Variants in JAZF1 observed in about 807,000 individuals in gnomAD.
JAZF1 encodes juxtaposed with another zinc finger protein 1.
Under a neutral mutation model 26.4 loss-of-function variants are expected in JAZF1, and 8 were observed. That is an observed-to-expected ratio of 0.30 (90% CI 0.18 to 0.55). The LOEUF (loss-of-function observed/expected upper bound fraction) is 0.55. Ranked by LOEUF, JAZF1 falls within the 20% of genes least tolerant of loss-of-function variation. JAZF1 has a pLI of 0.94. For missense variants in JAZF1, 199 were observed against 322.0 expected, an observed-to-expected ratio of 0.62 and a Z score of 2.92; for synonymous variants, 126 against 122.3, an observed-to-expected ratio of 1.03 and a Z score of -0.20.
intron 3 of JAZF1, among the ~76,000 whole-genome samples, chr7:27,884,061 G>A (rs777626377): frequency 2.0e-5 from 3 of 152,196 alleles, no homozygotes; most frequent in African/African-American, 7.2e-5. Context: ...TGGAAGTTGT[G>A]GACTCCTGTT....
At chr7:28,076,094 T>A (rs1326368722) in intron 1 of JAZF1, among the ~76,000 whole-genome samples, 1 of 152,152 alleles carries the variant, frequency 6.6e-6, no homozygotes, top group Admixed American at 6.5e-5. Flanking sequence ...TTGGATGGGG[T>A]CCCTCTGCAG....
intron 1 of JAZF1, among the ~76,000 whole-genome samples, chr7:28,062,788 C>G (rs531822779): frequency 6.6e-6 from 1 of 152,306 alleles, no homozygotes; most frequent in Non-Finnish European, 1.5e-5. Context: ...ACTCTCCTAT[C>G]TTAGTTTAGT....
At chr7:28,129,806 T>G (rs997381836) in intron 1 of JAZF1, among the ~76,000 whole-genome samples, 1 of 152,170 alleles carries the variant, frequency 6.6e-6, no homozygotes, top group Non-Finnish European at 1.5e-5. Flanking sequence ...CAGAGATAAG[T>G]TGGTACATTA....
intron 1 of JAZF1, among the ~76,000 whole-genome samples, chr7:28,009,963 AT>A (rs756158876): frequency 1.2e-4 from 18 of 152,194 alleles, no homozygotes; most frequent in Non-Finnish European, 1.9e-4. Flanking sequence ...ATGATAAGAG[AT>A]TTAGGTAAAA....
chr7:28,153,522 C>A (rs528666598), intron 1 of JAZF1, among the ~76,000 whole-genome samples: 1 of 152,138 alleles, frequency 6.6e-6, no homozygotes, highest in Non-Finnish European at 1.5e-5. Flanking sequence ...TTCTAGATGA[C>A]GATACCAGGA....
At chr7:28,154,097 C>T (rs982325472) in intron 1 of JAZF1, among the ~76,000 whole-genome samples, 1 of 152,134 alleles carries the variant, frequency 6.6e-6, no homozygotes, top group Non-Finnish European at 1.5e-5. Context: ...AAAGCCTCCC[C>T]GAAGTTTTGG....
chr7:28,123,076 C>T (rs188367616), intron 1 of JAZF1, among the ~76,000 whole-genome samples: 8 of 152,280 alleles, frequency 5.3e-5, no homozygotes, highest in African/African-American at 1.9e-4. Context: ...AGGAGACTTT[C>T]CAGCTACGTC....
intron 1 of JAZF1, among the ~76,000 whole-genome samples, chr7:27,994,347 T>TTATG (rs1211541834): frequency 6.6e-6 from 1 of 152,028 alleles, no homozygotes; most frequent in Non-Finnish European, 1.5e-5. Context: ...TTCATCATCT[T>TTATG]TCATAACCTA....
chr7:27,867,593 C>T (rs1299230913), intron 3 of JAZF1, among the ~76,000 whole-genome samples: 2 of 152,248 alleles, frequency 1.3e-5, no homozygotes, highest in East Asian at 1.9e-4. Flanking sequence ...AGGCAGGCCT[C>T]ATAACCATCA....
intron 1 of JAZF1, among the ~76,000 whole-genome samples, chr7:28,051,149 A>C (rs71532943): frequency 1.1e-4 from 12 of 110,952 alleles, no homozygotes; most frequent in South Asian, 3.0e-4. Flanking sequence ...AAAAAAAAAA[A>C]AAAAAAACAA....
At position 28,163,366 on chromosome 7, in the gene JAZF1, C is replaced by T. The variant is rs144254891; in HGVS notation, c.115+17097G>A. 2.0e-4 allele frequency among the ~76,000 whole-genome samples: 31 copies of T among 152,266 alleles called. No individual in the cohort carries two copies. In the East Asian group the frequency reaches 2.5e-3, roughly 12 times the overall value. Reference sequence around the variant, plus strand: ...AACTGGCTGGGCTGTCCTTTTCCATCCTCCATGACATCGACTTGGAACTGG... The same window carrying T: ...AACTGGCTGGGCTGTCCTTTTCCATTCTCCATGACATCGACTTGGAACTGG... On this transcript the variant is annotated intron_variant, in intron 1 of 4. Transcript: ENST00000283928.
chr7:28,079,867 T>C (rs575993658), intron 1 of JAZF1, among the ~76,000 whole-genome samples: 102 of 152,294 alleles, frequency 6.7e-4, no homozygotes, highest in African/African-American at 2.4e-3. Context: ...GTAATCTAGA[T>C]GCATAACTCA....
intron 2 of JAZF1, among the ~76,000 whole-genome samples, chr7:27,987,126 A>T: frequency 6.8e-6 from 1 of 147,010 alleles, no homozygotes; most frequent in African/African-American, 2.6e-5. Context: ...ATCGTCTGGG[A>T]TGTGAGGAGC....
intron 1 of JAZF1, among the ~76,000 whole-genome samples, chr7:28,046,270 C>T (rs570675673): frequency 6.6e-6 from 1 of 152,336 alleles, no homozygotes; most frequent in South Asian, 2.1e-4. Flanking sequence ...AGTTAAGCAA[C>T]TTGCTCAAGG....
rs142040821 is a variant in JAZF1 at position 27,910,826 on chromosome 7, C to T, written c.189-15410G>A. ...TTTGGTGACCAGGGAGCCTCTTTCA[C>T]CAAGTTCGTGTATGCAAACCAAGCG... is the stretch of plus-strand genomic sequence containing the variant. On this transcript the variant is annotated intron_variant, in intron 2 of 4. Coordinates refer to ENST00000283928, the MANE Select transcript of JAZF1 (RefSeq NM_175061.4). Among the ~76,000 whole-genome samples, 869 of 152,322 alleles carry T rather than the reference C, an allele frequency of 5.7e-3. 5 individuals carry two copies. Among genetic ancestry groups the T allele is most frequent in the Non-Finnish European group, 0.011 (734 of 68,024 alleles).
intron 3 of JAZF1, chr7:27,843,315 C>T (rs1370458001): frequency 1.3e-5 from 2 of 152,218 alleles, no homozygotes; most frequent in Non-Finnish European, 2.9e-5. Context: ...CCTTTGCTTT[C>T]GTTAGGTGAA....
At chr7:27,993,698 A>G (rs1437147301) in intron 1 of JAZF1, among the ~76,000 whole-genome samples, 1 of 152,190 alleles carries the variant, frequency 6.6e-6, no homozygotes, top group Non-Finnish European at 1.5e-5. Context: ...AAAAATCATG[A>G]AAATGAAAAG....
At chr7:28,013,339 G>T (rs909885161) in intron 1 of JAZF1, among the ~76,000 whole-genome samples, 9 of 152,148 alleles carry the variant, frequency 5.9e-5, no homozygotes, top group African/African-American at 9.7e-5. Flanking sequence ...ATACATAAAA[G>T]AATGTTGTTC....
intron 2 of JAZF1, among the ~76,000 whole-genome samples, chr7:27,913,165 C>T (rs184734117): frequency 6.1e-4 from 92 of 150,692 alleles, no homozygotes; most frequent in Admixed American, 3.2e-3. Flanking sequence ...CCTTATGGGA[C>T]CAAAGGGAGG....
Sources: gnomAD v4.1 joint callset for allele counts (sites outside exome capture counted in the v4.1 genomes callset) on GRCh38, gnomAD v4.1.1 for gene constraint, MANE v1.5 for transcripts, NCBI Gene and HGNC (gene_info 2026-07-23, HGNC 2026-07-21) for gene names.